PRPF8: variants seen among roughly 807,000 people sequenced by gnomAD.
PRPF8 encodes pre-mRNA-processing-splicing factor 8.
PRPF8 carries 64 observed loss-of-function variants against 285.9 expected under a neutral mutation model. The observed-to-expected ratio is 0.22, with a 90% confidence interval of 0.18 to 0.28. The LOEUF is 0.28. Ranked by LOEUF, PRPF8 falls within the 10% of genes least tolerant of loss-of-function variation. The probability of loss-of-function intolerance (pLI) is 1.00; values close to 1 mark genes in which losing one functional copy is unlikely to be tolerated. For synonymous variants in PRPF8, 1,325 were observed against 1,118.2 expected (o/e 1.18, Z -3.69); for missense variants, 1,426 against 3,026.7 (o/e 0.47, Z 12.41).
chr17:1,664,171 C>T (rs910162379), intron 24 of PRPF8, among the ~76,000 whole-genome samples: 26 of 152,232 alleles, frequency 1.7e-4, no homozygotes, highest in Admixed American at 1.4e-3. Flanking sequence ...CCTGGGACTA[C>T]AGGCGTGTAC....
At position 1,653,491 on chromosome 17, in the gene PRPF8, C is replaced by A. The variant is rs751950375; in HGVS notation, c.6369+51G>T. On this transcript the variant is annotated intron_variant, in intron 39 of 42. Transcript: ENST00000304992. The surrounding 1 kb of genome is among the most constrained non-coding windows in gnomAD (Gnocchi z 4.9). ...GACAATCTCAGGTCTGAGTTTTAGGCACAAAATGAGTTGGGCACACACTGT... is the reference window on the plus strand; with the variant it reads ...GACAATCTCAGGTCTGAGTTTTAGGAACAAAATGAGTTGGGCACACACTGT... The A allele has an allele frequency of 6.2e-7, 1 of 1,612,336 alleles. No individual in the cohort carries two copies. The highest frequency in any genetic ancestry group is 8.5e-7 in the Non-Finnish European group (1 of 1,178,490).
rs369829571 is a variant in PRPF8, at chr17:1,658,691, G to A, written c.5211C>T (p.Asn1737=). ...GTTCACGTAACACATACAGGGCAGG[G>A]TTTGCCTTCATGATCTTGGCCATGG... ...QQAMAKIMKA[N]PALYVLRERI... is the part of the protein sequence containing the mutation. Residue 1737 remains asparagine (N), a synonymous_variant, in exon 33 of 43, where the codon AAC becomes AAT. Coordinates refer to ENST00000304992, the MANE Select transcript of PRPF8 (RefSeq NM_006445.4). This position sits in a 1 kb window ranked among gnomAD's most constrained non-coding sequence, Gnocchi z 4.1. 9.9e-6 allele frequency: 16 copies of A among 1,614,248 alleles called. No individual in the cohort carries two copies. The highest frequency in any genetic ancestry group is 1.3e-5 in the Non-Finnish European group (15 of 1,180,052).
chr17:1,679,427 A>T lies in PRPF8; in HGVS notation c.1290-17T>A. ...TCCCGATACCTGGAAAAATAAGCCC[A>T]CCAGAGTTTGGCCATCTCTTCTTCC... On this transcript the variant is annotated splice_polypyrimidine_tract_variant and intron_variant, in intron 9 of 42. Coordinates refer to ENST00000304992, the MANE Select transcript of PRPF8 (RefSeq NM_006445.4). This position sits in a 1 kb window ranked among gnomAD's most constrained non-coding sequence, Gnocchi z 4.7. 5.6e-6 allele frequency: 9 copies of T among 1,611,230 alleles called. No homozygotes were observed. Among genetic ancestry groups the T allele is most frequent in the Non-Finnish European group, 7.6e-6 (9 of 1,179,776 alleles).
chr17:1,673,223 T>A lies in PRPF8; in HGVS notation c.3658-26A>T, dbSNP rs1041720819. On this transcript the variant is annotated intron_variant, in intron 23 of 42. Transcript: ENST00000304992. The surrounding 1 kb of genome is among the most constrained non-coding windows in gnomAD (Gnocchi z 5.5). ...CTAAACCACAAAGTCAAGGTTAACATGTCCGAGGAACTCCCACAGAAGCAA... is the reference window on the plus strand; with the variant it reads ...CTAAACCACAAAGTCAAGGTTAACAAGTCCGAGGAACTCCCACAGAAGCAA... 2.5e-6 allele frequency: 4 copies of A among 1,611,080 alleles called. No individual in the cohort carries two copies. Among genetic ancestry groups the A allele is most frequent in the Non-Finnish European group, 3.4e-6 (4 of 1,177,314 alleles).
Position 1,658,430 on chromosome 17 carries a change from T to C in PRPF8, c.5377-49A>G. 1 of 1,614,132 alleles carries C rather than the reference T, an allele frequency of 6.2e-7. No individual in the cohort carries two copies. ...GCATGGCCTACACAACACATCCCCATCCTGCCTTCTTCCCAGCATGTGTAC... is the reference window on the plus strand; with the variant it reads ...GCATGGCCTACACAACACATCCCCACCCTGCCTTCTTCCCAGCATGTGTAC... On this transcript the variant is annotated intron_variant, in intron 33 of 42. Coordinates refer to ENST00000304992, the MANE Select transcript of PRPF8 (RefSeq NM_006445.4). This position sits in a 1 kb window ranked among gnomAD's most constrained non-coding sequence, Gnocchi z 4.1.
Position 1,658,226 on chromosome 17 carries a change from A to G in PRPF8, c.5505+27T>C. On this transcript the variant is annotated intron_variant, in intron 34 of 42. Transcript: ENST00000304992. This position sits in a 1 kb window ranked among gnomAD's most constrained non-coding sequence, Gnocchi z 4.1. ...AGAATAAGAGGCAACATGGTTCTACAGCCTCTTCATCTTTAAACCTGCTCA... is the reference window on the plus strand; with the variant it reads ...AGAATAAGAGGCAACATGGTTCTACGGCCTCTTCATCTTTAAACCTGCTCA... 1.2e-6 allele frequency: 2 copies of G among 1,613,976 alleles called. No individual in the cohort carries two copies. Among genetic ancestry groups the G allele is most frequent in the South Asian group, 1.1e-5 (1 of 91,074 alleles).
rs757507107 is a variant in PRPF8, at chr17:1,673,474, C to T, written c.3540G>A (p.Lys1180=). ...TGTTGAACAGCAGGTTGGGGTTGTC[C>T]TTACTGTACACAGACACGAAGCTGT... ...WENSFVSVYS[K]DNPNLLFNMC... The change falls in exon 23 of 43, where the codon AAG becomes AAA. Residue 1180 remains lysine (K), a synonymous_variant. Transcript: ENST00000304992. This position sits in a 1 kb window ranked among gnomAD's most constrained non-coding sequence, Gnocchi z 5.5. 5.6e-6 allele frequency: 9 copies of T among 1,614,068 alleles called. No individual in the cohort carries two copies. The highest frequency in any genetic ancestry group is 1.3e-5 in the African/African-American group (1 of 74,930).
Position 1,675,075 on chromosome 17 carries a change from C to T in PRPF8, c.3060+77G>A. 6.4e-7 allele frequency: 1 copy of T among 1,573,182 alleles called. No homozygotes were observed. Reference sequence around the variant, plus strand: ...GGCATGAGCCACCGCACCCAGCCTCCTCCTCAGCAAATTCTGAGTCAGTGG... The same window carrying T: ...GGCATGAGCCACCGCACCCAGCCTCTTCCTCAGCAAATTCTGAGTCAGTGG... On this transcript the variant is annotated intron_variant, in intron 20 of 42. Transcript: ENST00000304992. The surrounding 1 kb of genome is among the most constrained non-coding windows in gnomAD (Gnocchi z 6.0).
At chr17:1,660,367 C>T in intron 30 of PRPF8, 65 bp downstream of exon 30, 1 of 1,609,684 alleles carries the variant, frequency 6.2e-7, no homozygotes, top group Non-Finnish European at 8.5e-7. Flanking sequence ...TGTACAGTAC[C>T]CTCTCCCCTC....
Position 1,683,568 on chromosome 17 carries a change from G to A in PRPF8, c.234C>T (p.Asn78=). The part of the protein sequence containing the change: ...KIIRDHGDMT[N]RKFRHDKRVY... Reference sequence around the variant, plus strand: ...CCCTTTTGTCATGGCGGAACTTCCTGTTGGTCATGTCTCCATGGTCTCGAA... The same window carrying A: ...CCCTTTTGTCATGGCGGAACTTCCTATTGGTCATGTCTCCATGGTCTCGAA... The change falls in exon 3 of 43, where the codon AAC becomes AAT. Residue 78 remains asparagine, a synonymous_variant. Transcript: ENST00000304992. The A allele has an allele frequency of 6.2e-7, 1 of 1,614,198 alleles. No homozygotes were observed. Among genetic ancestry groups the A allele is most frequent in the Non-Finnish European group, 8.5e-7 (1 of 1,180,044 alleles).
At chr17:1,654,181 C>T in intron 37 of PRPF8, 165 bp from the exon 38 acceptor site, 1 of 1,010,598 alleles carries the variant, frequency 9.9e-7, no homozygotes, top group East Asian at 2.4e-5. Flanking sequence ...TGCACTAACA[C>T]TTCCAAGATT....
chr17:1,654,350 T>A, intron 37 of PRPF8: 1 of 486,822 alleles, frequency 2.1e-6, no homozygotes, highest in Admixed American at 3.3e-5. Context: ...TAATCAGAGG[T>A]GGTATTGTCC....
chr17:1,667,735 G>A (rs1912076453), intron 24 of PRPF8, among the ~76,000 whole-genome samples: 1 of 151,894 alleles, frequency 6.6e-6, no homozygotes, highest in Admixed American at 6.6e-5. Context: ...GTAGAGATGG[G>A]GTTTCACCAT....
chr17:1,668,286 C>T (rs902017605), intron 24 of PRPF8, among the ~76,000 whole-genome samples: 1 of 152,098 alleles, frequency 6.6e-6, no homozygotes, highest in African/African-American at 2.4e-5. Flanking sequence ...CAATTCTTTC[C>T]CAGGCCAATG....
At chr17:1,672,630 A>G (rs1274380323) in intron 24 of PRPF8, among the ~76,000 whole-genome samples, 1 of 152,074 alleles carries the variant, frequency 6.6e-6, no homozygotes, top group Non-Finnish European at 1.5e-5. Flanking sequence ...CGTAGTTCAA[A>G]ATTCCTCAGA....
At position 1,651,383 on chromosome 17, in the gene PRPF8, C is replaced by A. The variant is rs758205306; in HGVS notation, c.6650+31G>T. 1.9e-6 allele frequency: 3 copies of A among 1,614,102 alleles called. No homozygotes were observed. Among genetic ancestry groups the A allele is most frequent in the Admixed American group, 1.7e-5 (1 of 60,008 alleles). On this transcript the variant is annotated intron_variant, in intron 41 of 42. Coordinates refer to ENST00000304992, the MANE Select transcript of PRPF8 (RefSeq NM_006445.4). The surrounding 1 kb of genome is among the most constrained non-coding windows in gnomAD (Gnocchi z 5.1). The stretch of plus-strand genomic sequence containing the variant: ...GCCCTGGCCTGCAATCCCTGCCCCA[C>A]CATACTTCCTCCCAAGGAGCCCAGG...
In PRPF8 at chr17:1,651,284, G is replaced by A. The variant is rs763921537; in HGVS notation, c.6677C>T (p.Thr2226Met). 4 of 1,614,104 alleles carry A rather than the reference G, an allele frequency of 2.5e-6. No individual in the cohort carries two copies. Among genetic ancestry groups the A allele is most frequent in the Non-Finnish European group, 3.4e-6 (4 of 1,180,016 alleles). Reference protein sequence around the residue: ...CSFTPGSCTLTAYKLTPSGYE... With the variant: ...CSFTPGSCTLMAYKLTPSGYE... ...GCCACTGGGGGTCAGCTTGTAGGCC[G>A]TCAGTGTACAGGAGCCTGGCGTGAA... The change falls in exon 42 of 43, where the codon ACG becomes ATG. Residue 2226 changes from threonine (T) to methionine (M), a missense_variant. Thr to Met is a moderately conservative substitution (Grantham distance 81). Transcript: ENST00000304992. This position sits in a 1 kb window ranked among gnomAD's most constrained non-coding sequence, Gnocchi z 5.1.
intron 13 of PRPF8, among the ~76,000 whole-genome samples, chr17:1,678,036 T>C (rs1237093647): frequency 6.6e-6 from 1 of 152,146 alleles, no homozygotes; most frequent in Admixed American, 6.6e-5. Context: ...CCAGTGAGGC[T>C]GGGCACGGTG....
Position 1,679,244 on chromosome 17 carries a change from G to T in PRPF8, c.1410-38C>A. 1 of 1,614,200 alleles carries T rather than the reference G, an allele frequency of 6.2e-7. No homozygotes were observed. The highest frequency in any genetic ancestry group is 8.5e-7 in the Non-Finnish European group (1 of 1,180,044). On this transcript the variant is annotated intron_variant, in intron 10 of 42. Coordinates refer to ENST00000304992, the MANE Select transcript of PRPF8 (RefSeq NM_006445.4). The surrounding 1 kb of genome is among the most constrained non-coding windows in gnomAD (Gnocchi z 4.7). ...CATGGAGAGTAAGAGTCAGCCTACT[G>T]ATATCTCTGGAACAGAAGTCTGCGC... is the stretch of plus-strand genomic sequence containing the variant.
Sources: allele counts gnomAD v4.1 joint callset (sites outside exome capture counted in the v4.1 genomes callset), GRCh38; gene constraint gnomAD v4.1.1; non-coding constraint Gnocchi (gnomAD v3.1); transcripts MANE v1.5; gene names NCBI Gene and HGNC (gene_info 2026-07-23, HGNC 2026-07-21).